HDAC9: variants seen among roughly 807,000 people sequenced by gnomAD.
HDAC9 encodes histone deacetylase 9.
HDAC9 carries 41 observed loss-of-function variants against 139.4 expected under a neutral mutation model. The ratio of observed to expected loss-of-function variants is 0.29; its 90% CI spans 0.23 to 0.38. HDAC9 has a LOEUF of 0.38. HDAC9 is among the 10% of genes least tolerant of loss of function. The probability of loss-of-function intolerance (pLI) is 1.00; values close to 1 mark genes in which losing one functional copy is unlikely to be tolerated. For missense variants in HDAC9, 1,147 were observed against 1,297.0 expected, an observed-to-expected ratio of 0.88 and a Z score of 1.78; for synonymous variants, 517 against 476.2, an observed-to-expected ratio of 1.09 and a Z score of -1.12.
intron 2 of HDAC9, among the ~76,000 whole-genome samples, chr7:18,201,487 T>C (rs1237441084): frequency 1.3e-5 from 2 of 152,194 alleles, no homozygotes; most frequent in African/African-American, 4.8e-5. Flanking sequence ...GCTTAGCCAC[T>C]CAGTCATAGA....
intron 1 of HDAC9, among the ~76,000 whole-genome samples, chr7:18,293,355 C>T (rs1164039594): frequency 2.0e-5 from 3 of 151,398 alleles, no homozygotes; most frequent in Admixed American, 6.6e-5. Flanking sequence ...ATGTGCACAA[C>T]GTGCAGGTTT....
intron 1 of HDAC9, among the ~76,000 whole-genome samples, chr7:18,148,401 C>T (rs1786507439): frequency 6.6e-6 from 1 of 152,170 alleles, no homozygotes; most frequent in Non-Finnish European, 1.5e-5. Context: ...GACTATTATT[C>T]CATAGGCACA....
intron 17 of HDAC9, among the ~76,000 whole-genome samples, chr7:18,802,679 A>G (rs750878839): frequency 6.6e-6 from 1 of 151,788 alleles, no homozygotes; most frequent in Non-Finnish European, 1.5e-5. Context: ...GATATTTAAA[A>G]ACTCTGTTAT....
intron 1 of HDAC9, among the ~76,000 whole-genome samples, chr7:18,096,699 G>A (rs1782524725): frequency 6.6e-6 from 1 of 152,066 alleles, no homozygotes; most frequent in African/African-American, 2.4e-5. Flanking sequence ...TGTTATAGTT[G>A]GTGACCAAAA....
chr7:18,601,712 G>C (rs1004484020), intron 6 of HDAC9, among the ~76,000 whole-genome samples: 2 of 152,222 alleles, frequency 1.3e-5, no homozygotes, highest in African/African-American at 4.8e-5. Context: ...TCTCTTTTCT[G>C]TATCAACTGA....
At chr7:18,200,852 C>G (rs919442622) in intron 2 of HDAC9, among the ~76,000 whole-genome samples, 4 of 152,106 alleles carry the variant, frequency 2.6e-5, no homozygotes, top group African/African-American at 4.8e-5. Flanking sequence ...ACAGCTTTTT[C>G]TTCTTTCTTA....
chr7:18,225,599 T>TAC (rs1793001927), intron 2 of HDAC9, among the ~76,000 whole-genome samples: 2 of 152,180 alleles, frequency 1.3e-5, no homozygotes, highest in African/African-American at 2.4e-5. Flanking sequence ...TTCATGCATA[T>TAC]ACATGGAATC....
At chr7:18,773,888 T>C in intron 16 of HDAC9, among the ~76,000 whole-genome samples, 1 of 152,236 alleles carries the variant, frequency 6.6e-6, no homozygotes, top group South Asian at 2.1e-4. Context: ...TAATATTCAA[T>C]ATGTAAAACT....
In HDAC9 at chr7:18,444,271, G is replaced by A. The variant is rs146677730; in HGVS notation, c.-41-51991G>A. On this transcript the variant is annotated intron_variant, in intron 1 of 3. Coordinates refer to the HDAC9 transcript ENST00000413509. ...GGAGAATTGCTTGAACCTGGGAGAA[G>A]GAGGTTGCAGTAAGCCATGATCATG... Among the ~76,000 whole-genome samples the A allele has an allele frequency of 7.2e-4, 107 of 149,496 alleles. 1 individual carries two copies. The East Asian group carries it at 0.018, about 25-fold the overall frequency.
chr7:18,093,168 C>T (rs768512283), intron 1 of HDAC9, among the ~76,000 whole-genome samples: 13 of 152,180 alleles, frequency 8.5e-5, no homozygotes, highest in Non-Finnish European at 1.8e-4. Context: ...CAAACTCTGG[C>T]AGTTTAGTTT....
chr7:18,284,558 C>T lies in HDAC9; in HGVS notation c.25+122209C>T, dbSNP rs1479328551. Among the ~76,000 whole-genome samples the T allele has an allele frequency of 3.3e-5, 5 of 152,222 alleles. No individual in the cohort carries two copies. The South Asian group carries it at 6.2e-4, about 19-fold the overall frequency. ...ATTCCATTATAAAATCTTTGTATAT[C>T]GTGTTAGTCTTTGGTTTTGTGGTCA... On this transcript the variant is annotated intron_variant, in intron 2 of 12. Transcript: ENST00000417496.
intron 17 of HDAC9, among the ~76,000 whole-genome samples, chr7:18,810,072 G>A (rs918354921): frequency 7.2e-5 from 11 of 151,850 alleles, no homozygotes; most frequent in South Asian, 4.1e-4. Context: ...TTTCAACAAC[G>A]TGGATGTTCC....
At chr7:18,554,688 T>A (rs1818259255) in intron 2 of HDAC9, among the ~76,000 whole-genome samples, 1 of 152,060 alleles carries the variant, frequency 6.6e-6, no homozygotes, top group Non-Finnish European at 1.5e-5. Flanking sequence ...TCCTCTTCTG[T>A]CTCCCTCCTT....
chr7:18,647,651 C>G, intron 9 of HDAC9, 134 bp from the exon 10 acceptor site: 1 of 655,258 alleles, frequency 1.5e-6, no homozygotes, highest in Admixed American at 3.1e-5. Flanking sequence ...GTCCATTTTC[C>G]CTGCTCAGCC....
chr7:18,605,948 G>A (rs1835370945), intron 6 of HDAC9, among the ~76,000 whole-genome samples: 1 of 152,082 alleles, frequency 6.6e-6, no homozygotes, highest in Non-Finnish European at 1.5e-5. Flanking sequence ...CGAAAGTGCT[G>A]GGATTACAGG....
intron 1 of HDAC9, among the ~76,000 whole-genome samples, chr7:18,293,512 C>G (rs753071935): frequency 3.9e-5 from 6 of 152,092 alleles, no homozygotes; most frequent in Non-Finnish European, 5.9e-5. Context: ...TTCTTAGATT[C>G]TTAAACCTTT....
chr7:18,326,837 G>A (rs1240912866), intron 1 of HDAC9, among the ~76,000 whole-genome samples: 2 of 151,938 alleles, frequency 1.3e-5, no homozygotes, highest in African/African-American at 4.8e-5. Flanking sequence ...GGTCTTCAGA[G>A]TTAGAATTCA....
At chr7:18,501,899 C>T (rs1798480638) in intron 2 of HDAC9, among the ~76,000 whole-genome samples, 1 of 152,152 alleles carries the variant, frequency 6.6e-6, no homozygotes, top group African/African-American at 2.4e-5. Flanking sequence ...GATAAAAGAA[C>T]ACTCTAGTCA....
At chr7:18,253,516 T>C (rs1795055510) in intron 2 of HDAC9, among the ~76,000 whole-genome samples, 1 of 152,220 alleles carries the variant, frequency 6.6e-6, no homozygotes, top group Admixed American at 6.5e-5. Context: ...ATACTGAGCT[T>C]TTTTTCATAT....
Sources: gnomAD v4.1 joint callset for allele counts (sites outside exome capture counted in the v4.1 genomes callset) on GRCh38, gnomAD v4.1.1 for gene constraint, MANE v1.5 for transcripts, NCBI Gene and HGNC (gene_info 2026-07-23, HGNC 2026-07-21) for gene names.